ERMP1: variants seen among roughly 807,000 people sequenced by gnomAD.
ERMP1 encodes Felix-ina.
In ERMP1, 86 loss-of-function variants were observed where a neutral mutation model predicts 92.0. The ratio of observed to expected loss-of-function variants is 0.93; its 90% CI spans 0.79 to 1.12. ERMP1 has a LOEUF of 1.12. Ranked by LOEUF, ERMP1 falls within the 50% of genes most tolerant of loss-of-function variation. The pLI, the probability that ERMP1 is intolerant of heterozygous loss-of-function variation, is 0.00. For synonymous variants in ERMP1, 530 were observed against 412.8 expected (o/e 1.28, Z -3.44); for missense variants, 1,342 against 1,116.3 (o/e 1.20, Z -2.88).
chr9:5,837,764 G>T (rs751328979), upstream of ERMP1, among the ~76,000 whole-genome samples: 1 of 152,164 alleles, frequency 6.6e-6, no homozygotes, highest in South Asian at 2.1e-4. Context: ...ACTTTTTGTA[G>T]CAAAGGAATG....
upstream of ERMP1, among the ~76,000 whole-genome samples, chr9:5,834,614 G>A (rs1163466405): frequency 6.6e-6 from 1 of 152,148 alleles, no homozygotes; most frequent in African/African-American, 2.4e-5. Flanking sequence ...ACTAAAGACA[G>A]TGTCTATCTT....
At chr9:5,857,403 C>A (rs568334009) in intron 6 of ERMP1, among the ~76,000 whole-genome samples, 1 of 152,286 alleles carries the variant, frequency 6.6e-6, no homozygotes, top group Non-Finnish European at 1.5e-5. Flanking sequence ...ACGTGCACAT[C>A]CAGCAACTCA....
intron 4 of ERMP1, among the ~76,000 whole-genome samples, chr9:5,822,917 C>T (rs1313742544): frequency 2.0e-5 from 3 of 152,142 alleles, no homozygotes; most frequent in South Asian, 2.1e-4. Flanking sequence ...ACATGCTTAG[C>T]GTTCCAATAA....
Position 5,785,264 on chromosome 9 carries a change from G to T in ERMP1, c.*1880C>A, listed in dbSNP as rs1418785346. ...AGTAAAGGCATCCTTCCCATAGAGGGGGGGAATTCACAGGGAACACTAATT... is the reference window on the plus strand; with the variant it reads ...AGTAAAGGCATCCTTCCCATAGAGGTGGGGAATTCACAGGGAACACTAATT... On this transcript the variant is annotated 3_prime_UTR_variant, in exon 15 of 15. Transcript: ENST00000339450. 1 of 152,200 alleles carries T rather than the reference G, an allele frequency of 6.6e-6. No homozygotes were observed. The highest frequency in any genetic ancestry group is 1.9e-4 in the East Asian group (1 of 5,202). 9.4% of individuals were successfully genotyped at this position (152,200 alleles called of 1,614,324 possible). A position where few individuals can be genotyped will look rare whatever the true frequency, so the allele number is the denominator to read the frequency against.
chr9:5,842,197 G>A (rs528933854), intron 6 of ERMP1, among the ~76,000 whole-genome samples: 1 of 152,242 alleles, frequency 6.6e-6, no homozygotes, highest in South Asian at 2.1e-4. Context: ...CCCTTACTTG[G>A]CCCCGCCCAC....
At chr9:5,805,351 T>G (rs1206468345) in intron 9 of ERMP1, 134 bp from the exon 10 acceptor site, 1 of 708,806 alleles carries the variant, frequency 1.4e-6, no homozygotes, top group African/African-American at 1.8e-5. Context: ...GGGTGTATGT[T>G]ATCTTGGAGT....
chr9:5,835,242 T>C (rs1208894997), upstream of ERMP1, among the ~76,000 whole-genome samples: 4 of 152,138 alleles, frequency 2.6e-5, no homozygotes, highest in African/African-American at 7.2e-5. Context: ...TAGCTACTAG[T>C]TGTTGGATAT....
At chr9:5,811,866 A>C (rs540461207) in intron 6 of ERMP1, among the ~76,000 whole-genome samples, 23 of 151,994 alleles carry the variant, frequency 1.5e-4, no homozygotes, top group African/African-American at 4.6e-4. Flanking sequence ...ACAGAGCTAC[A>C]TTCTTACCAC....
Position 5,811,294 on chromosome 9 carries a change from G to C in ERMP1, c.1144C>G (p.Leu382Val), listed in dbSNP as rs1249087343. The C allele has an allele frequency of 1.9e-6, 3 of 1,613,042 alleles. No homozygotes were observed. The highest frequency in any genetic ancestry group is 2.2e-5 in the East Asian group (1 of 44,848). Residue 382 changes from leucine to valine, a missense_variant, in exon 7 of 15, where the codon CTA (leucine) becomes GTA (valine). Transcript: ENST00000339450. ...GDNILAVLKHLATSDMLAAAS... is the reference protein window; with the variant it reads ...GDNILAVLKHVATSDMLAAAS... ...GCAGCCAGCATATCAGATGTAGCTA[G>C]ATGCTTAAGAACTGCTAAAATGTTG...
Position 5,811,126 on chromosome 9 carries a change from G to C in ERMP1, c.1312C>G (p.Gln438Glu). 6.2e-7 allele frequency: 1 copy of C among 1,613,324 alleles called. No homozygotes were observed. Among genetic ancestry groups the C allele is most frequent in the African/African-American group, 1.3e-5 (1 of 74,992 alleles). The stretch of plus-strand genomic sequence containing the variant: ...AAATACTTACTCTTATGTTTGGGCT[G>C]CAAAAATTTTTTGCCCAGGTACAAA... ...VVLYLGKKFL[Q>E]PKHKTGNYKK... The change falls in exon 7 of 15, where the codon CAG becomes GAG. Residue 438 changes from glutamine (Q) to glutamate (E), a missense_variant. By Grantham distance (29) the Gln-to-Glu change is conservative. Coordinates refer to ENST00000339450, the MANE Select transcript of ERMP1 (RefSeq NM_024896.3).
At position 5,811,107 on chromosome 9, in the gene ERMP1, T is replaced by C; in HGVS notation, c.1327+4A>G. On this transcript the variant is annotated splice_donor_region_variant and intron_variant, in intron 7 of 14. Transcript: ENST00000339450. ...TATTTGTAGTTTTAGAGGAAAATACTTACTCTTATGTTTGGGCTGCAAAAA... is the reference window on the plus strand; with the variant it reads ...TATTTGTAGTTTTAGAGGAAAATACCTACTCTTATGTTTGGGCTGCAAAAA... The C allele has an allele frequency of 6.2e-7, 1 of 1,600,052 alleles. No individual in the cohort carries two copies. The highest frequency in any genetic ancestry group is 8.6e-7 in the Non-Finnish European group (1 of 1,167,292).
In ERMP1 at chr9:5,784,997, C is replaced by G. The variant is rs1827878016; in HGVS notation, c.*2147G>C. Reference sequence around the variant, plus strand: ...TTAATCTCAGAATCTACTAATGTGACAGACAAACGGTATGCTTAACAGAGT... The same window carrying G: ...TTAATCTCAGAATCTACTAATGTGAGAGACAAACGGTATGCTTAACAGAGT... On this transcript the variant is annotated 3_prime_UTR_variant, in exon 15 of 15. Transcript: ENST00000339450. The G allele has an allele frequency of 6.6e-6, 1 of 152,090 alleles. No individual in the cohort carries two copies. Among genetic ancestry groups the G allele is most frequent in the Non-Finnish European group, 1.5e-5 (1 of 68,018 alleles). 9.4% of individuals were successfully genotyped at this position (152,090 alleles called of 1,614,324 possible).
At chr9:5,812,611 C>G (rs888668920) in intron 5 of ERMP1, 5 of 477,746 alleles carry the variant, frequency 1.0e-5, no homozygotes, top group African/African-American at 9.7e-5. Flanking sequence ...CAACGAAAGA[C>G]CCCTGAAGGA....
chr9:5,799,128 A>T (rs1828568454), intron 11 of ERMP1, 120 bp from the exon 12 acceptor site: 1 of 661,554 alleles, frequency 1.5e-6, no homozygotes, highest in Admixed American at 2.7e-5. Flanking sequence ...GCAAGTGAAT[A>T]AGACACTGAG....
At chr9:5,828,375 T>G (rs1194965615) in intron 2 of ERMP1, among the ~76,000 whole-genome samples, 1 of 152,194 alleles carries the variant, frequency 6.6e-6, no homozygotes, top group Non-Finnish European at 1.5e-5. Flanking sequence ...AAAAGCAGGG[T>G]ATACATTTAC....
At chr9:5,791,236 G>C in intron 13 of ERMP1, 1 of 456,878 alleles carries the variant, frequency 2.2e-6, no homozygotes, top group South Asian at 1.5e-5. Context: ...TGGCTTACAT[G>C]ATTGTTGAGG....
intron 4 of ERMP1, among the ~76,000 whole-genome samples, chr9:5,815,772 A>C (rs1485286440): frequency 6.6e-6 from 1 of 152,172 alleles, no homozygotes; most frequent in Non-Finnish European, 1.5e-5. Context: ...TAAATACCTT[A>C]ATCAAACGAT....
At chr9:5,824,051 T>C (rs1322868477) in intron 3 of ERMP1, 50 bp from the exon 4 acceptor site, 1 of 1,475,640 alleles carries the variant, frequency 6.8e-7, no homozygotes, top group South Asian at 1.2e-5. Flanking sequence ...TCTTAAATTA[T>C]CAGTCTTGAT....
chr9:5,834,942 TTAGA>T (rs1165128131), upstream of ERMP1, among the ~76,000 whole-genome samples: 4 of 127,574 alleles, frequency 3.1e-5, no homozygotes, highest in East Asian at 2.4e-4. Context: ...TCAGTGAGGA[TTAGA>T]TAGATAGACA....
Sources: allele counts gnomAD v4.1 joint callset (sites outside exome capture counted in the v4.1 genomes callset), GRCh38; gene constraint gnomAD v4.1.1; transcripts MANE v1.5; gene names NCBI Gene and HGNC (gene_info 2026-07-23, HGNC 2026-07-21).